Variants in RERE observed in about 807,000 individuals in gnomAD.
RERE encodes the protein arginine-glutamic acid dipeptide repeats protein.
In RERE, 40 loss-of-function variants were observed where a neutral mutation model predicts 146.1. That is an observed-to-expected ratio of 0.27 (90% CI 0.21 to 0.36). RERE has a LOEUF of 0.36. RERE is among the 10% of genes least tolerant of loss of function. The pLI, the probability that RERE is intolerant of heterozygous loss-of-function variation, is 1.00. For missense variants in RERE, 1,933 were observed against 2,138.7 expected (o/e 0.90, Z 1.90); for synonymous variants, 1,003 against 866.0 (o/e 1.16, Z -2.78).
intron 1 of RERE, among the ~76,000 whole-genome samples, chr1:8,805,012 T>TG (rs1452515550): frequency 8.6e-5 from 12 of 139,584 alleles, no homozygotes; most frequent in South Asian, 2.3e-4. Flanking sequence ...TTTTTGGTTT[T>TG]TTTTTTTTTT....
chr1:8,422,770 T>G lies in RERE; in HGVS notation c.1241A>C (p.Asn414Thr). 6.2e-7 allele frequency: 1 copy of G among 1,614,060 alleles called. No individual in the cohort carries two copies. The highest frequency in any genetic ancestry group is 8.5e-7 in the Non-Finnish European group (1 of 1,179,936). The change falls in exon 12 of 23, where the codon AAC (asparagine) becomes ACC (threonine). Residue 414 changes from asparagine to threonine, a missense_variant. By Grantham distance (65) the Asn-to-Thr change is moderately conservative (BLOSUM62 0). Coordinates refer to ENST00000400908, the MANE Select transcript of RERE (RefSeq NM_001042681.2). Reference sequence around the variant, plus strand: ...CAGCTCCTTTCTAATTCTGAAGAAGTTCTTCCCGTACTGCCTGAGTCCCTT... The same window carrying G: ...CAGCTCCTTTCTAATTCTGAAGAAGGTCTTCCCGTACTGCCTGAGTCCCTT... ...FVKGLRQYGK[N>T]FFRIRKELLP...
At chr1:8,452,641 A>C (rs1446363810) in intron 11 of RERE, among the ~76,000 whole-genome samples, 1 of 152,250 alleles carries the variant, frequency 6.6e-6, no homozygotes, top group African/African-American at 2.4e-5. Flanking sequence ...CTAGAGGAAG[A>C]ATTATGAGAG....
rs1014148333 is a variant in RERE at position 8,496,055 on chromosome 1, G to A, written c.1005-893C>T. Reference sequence around the variant, plus strand: ...GTGCATGCCTGTAGTCCTAGCTACTGGGGAGGACGAGGTGGGAGGATGACT... The same window carrying A: ...GTGCATGCCTGTAGTCCTAGCTACTAGGGAGGACGAGGTGGGAGGATGACT... On this transcript the variant is annotated intron_variant, in intron 9 of 22. Transcript: ENST00000400908. 2.0e-5 allele frequency among the ~76,000 whole-genome samples: 3 copies of A among 151,626 alleles called. No individual in the cohort carries two copies. The South Asian group carries it at 6.3e-4, about 32-fold the overall frequency.
chr1:8,758,387 CTTTT>C (rs34187776), intron 1 of RERE, among the ~76,000 whole-genome samples: 120 of 132,068 alleles, frequency 9.1e-4, no homozygotes, highest in African/African-American at 3.3e-3. Context: ...GGCCCTCAAT[CTTTT>C]TTTTTTTTTT....
intron 1 of RERE, among the ~76,000 whole-genome samples, chr1:8,741,081 T>C (rs1640297893): frequency 6.6e-6 from 1 of 152,146 alleles, no homozygotes; most frequent in South Asian, 2.1e-4. Flanking sequence ...CACACATGAG[T>C]AATATACTGG....
At chr1:8,748,101 A>G (rs1276838646) in intron 1 of RERE, among the ~76,000 whole-genome samples, 1 of 152,206 alleles carries the variant, frequency 6.6e-6, no homozygotes, top group Non-Finnish European at 1.5e-5. Context: ...TTACTTAAGT[A>G]GTTGTATACA....
intron 1 of RERE, among the ~76,000 whole-genome samples, chr1:8,798,997 GT>G (rs1286575318): frequency 6.9e-6 from 1 of 145,580 alleles, no homozygotes; most frequent in Non-Finnish European, 1.5e-5. Context: ...CGGCCTTTTT[GT>G]TTTTGTTTTT....
At chr1:8,440,323 C>T (rs946895812) in intron 11 of RERE, among the ~76,000 whole-genome samples, 5 of 151,784 alleles carry the variant, frequency 3.3e-5, no homozygotes, top group South Asian at 2.1e-4. Context: ...TGGCCAGGCA[C>T]GGCTCATGCC....
chr1:8,757,237 C>T (rs942952851), intron 1 of RERE, among the ~76,000 whole-genome samples: 1 of 152,130 alleles, frequency 6.6e-6, no homozygotes, highest in Non-Finnish European at 1.5e-5. Flanking sequence ...AAACATTTTC[C>T]TATTTCTGTT....
chr1:8,391,769 C>T (rs1216227321), intron 12 of RERE, among the ~76,000 whole-genome samples: 1 of 152,198 alleles, frequency 6.6e-6, no homozygotes, highest in Non-Finnish European at 1.5e-5. Context: ...GGCATGGTGG[C>T]TCACGCCTGT....
intron 12 of RERE, among the ~76,000 whole-genome samples, chr1:8,382,788 G>C (rs1265788718): frequency 6.6e-6 from 1 of 152,066 alleles, no homozygotes; most frequent in Non-Finnish European, 1.5e-5. Context: ...CCACAGGAAG[G>C]TTAAGGAACC....
At chr1:8,566,021 ACAT>A (rs1317765885) in intron 4 of RERE, among the ~76,000 whole-genome samples, 1 of 152,238 alleles carries the variant, frequency 6.6e-6, no homozygotes, top group Non-Finnish European at 1.5e-5. Context: ...GAGTCATTAA[ACAT>A]TTTGTTTCAT....
At chr1:8,516,636 C>T (rs1645423873) in intron 7 of RERE, among the ~76,000 whole-genome samples, 1 of 152,158 alleles carries the variant, frequency 6.6e-6, no homozygotes, top group African/African-American at 2.4e-5. Context: ...TACTCAAGGT[C>T]AGCTGACTCC....
chr1:8,514,906 CT>C (rs1645393700), intron 7 of RERE, among the ~76,000 whole-genome samples: 1 of 152,200 alleles, frequency 6.6e-6, no homozygotes, highest in African/African-American at 2.4e-5. Flanking sequence ...CAGCTTTCTT[CT>C]TTGATGAATA....
At chr1:8,412,597 T>C (rs934501365) in intron 12 of RERE, among the ~76,000 whole-genome samples, 12 of 152,370 alleles carry the variant, frequency 7.9e-5, no homozygotes, top group African/African-American at 2.9e-4. Flanking sequence ...ACTCTACTGC[T>C]TAAGACAGTA....
intron 8 of RERE, among the ~76,000 whole-genome samples, chr1:8,503,634 A>G (rs974167479): frequency 3.3e-5 from 5 of 152,244 alleles, no homozygotes; most frequent in African/African-American, 1.2e-4. Context: ...AAGGATGTAT[A>G]TTATGTTATT....
At chr1:8,587,323 T>C (rs1370877107) in intron 4 of RERE, among the ~76,000 whole-genome samples, 1 of 152,220 alleles carries the variant, frequency 6.6e-6, no homozygotes, top group African/African-American at 2.4e-5. Context: ...TCATTTCCAT[T>C]GACCCTTACA....
At chr1:8,522,873 CA>C (rs375276358) in intron 7 of RERE, among the ~76,000 whole-genome samples, 2,759 of 127,122 alleles carry the variant, frequency 0.022, 74 homozygotes, top group African/African-American at 0.068. Flanking sequence ...GACTCCGTCT[CA>C]AAAAAAAAAA....
intron 1 of RERE, among the ~76,000 whole-genome samples, chr1:8,692,482 G>A (rs1031681282): frequency 6.6e-5 from 10 of 151,874 alleles, no homozygotes; most frequent in Middle Eastern, 3.4e-3. Flanking sequence ...GAGTAGCTGC[G>A]ACTAGAGGCG....
Sources: allele counts gnomAD v4.1 joint callset (sites outside exome capture counted in the v4.1 genomes callset), GRCh38; gene constraint gnomAD v4.1.1; transcripts MANE v1.5; gene names NCBI Gene and HGNC (gene_info 2026-07-23, HGNC 2026-07-21).